The following C10orf143 variants were observed in gnomAD, a reference collection of about 807,000 sequenced individuals.
The protein encoded by C10orf143 is uncharacterized protein C10orf143.
At chr10:130,054,537 A>G (rs1318390131) in intron 3 of C10orf143, among the ~76,000 whole-genome samples, 1 of 152,232 alleles carries the variant, frequency 6.6e-6, no homozygotes, top group Non-Finnish European at 1.5e-5. Context: ...ATACATACGC[A>G]AAAGTGAGAT....
rs1481385601 is a variant in C10orf143 at position 130,106,903 on chromosome 10, G to A, written c.69+3801C>T. On this transcript the variant is annotated intron_variant, in intron 1 of 3. Coordinates refer to ENST00000637128, the MANE Select transcript of C10orf143 (RefSeq NM_001355042.2). ...CTGCTAGGCTTAGAGAAGACGTAAC[G>A]GATGATGATAACTTAGAAGTGAACA... 16 of 1,033,738 alleles carry A rather than the reference G, an allele frequency of 1.5e-5. No homozygotes were observed. In the East Asian group the frequency reaches 2.4e-4, roughly 15 times the overall value. The allele number at this position is 1,033,738 out of a possible 1,614,324, so 64.0% of individuals were successfully genotyped here.
chr10:130,062,466 G>A (rs1398907211), downstream of C10orf143, among the ~76,000 whole-genome samples: 1 of 152,130 alleles, frequency 6.6e-6, no homozygotes, highest in Non-Finnish European at 1.5e-5. Flanking sequence ...GACTAGACTG[G>A]CTGAGTCTTC....
chr10:130,045,776 C>T (rs1860661798), intron 3 of C10orf143, among the ~76,000 whole-genome samples: 1 of 152,202 alleles, frequency 6.6e-6, no homozygotes, highest in South Asian at 2.1e-4. Context: ...ATGCGATTGC[C>T]TCGACTCGAG....
intron 1 of C10orf143, among the ~76,000 whole-genome samples, chr10:130,081,159 G>T (rs907722450): frequency 1.3e-5 from 2 of 151,588 alleles, no homozygotes; most frequent in African/African-American, 4.8e-5. Flanking sequence ...GTATAATAGA[G>T]AAATAAAAAC....
At chr10:130,089,625 A>G (rs1384020653) in intron 1 of C10orf143, among the ~76,000 whole-genome samples, 1 of 152,218 alleles carries the variant, frequency 6.6e-6, no homozygotes, top group African/African-American at 2.4e-5. Flanking sequence ...AACAATGTAT[A>G]AAAAAGACTT....
chr10:130,110,586 T>C, intron 1 of C10orf143, 118 bp downstream of exon 1: 1 of 397,470 alleles, frequency 2.5e-6, no homozygotes, highest in Non-Finnish European at 4.4e-6. Context: ...AGCGTGCGAG[T>C]GTCTTGGGCC....
intron 1 of C10orf143, among the ~76,000 whole-genome samples, chr10:130,089,969 A>G (rs1046928110): frequency 6.6e-6 from 1 of 152,118 alleles, no homozygotes; most frequent in African/African-American, 2.4e-5. Context: ...GAACATAGGG[A>G]AAAAAAATCC....
intron 1 of C10orf143, among the ~76,000 whole-genome samples, chr10:130,090,782 A>G (rs1861368863): frequency 6.6e-6 from 1 of 152,196 alleles, no homozygotes; most frequent in South Asian, 2.1e-4. Context: ...TTCCCCTCAC[A>G]GTGTAAACAA....
intron 3 of C10orf143, among the ~76,000 whole-genome samples, chr10:130,050,166 G>T (rs568574020): frequency 6.6e-6 from 1 of 152,258 alleles, no homozygotes; most frequent in African/African-American, 2.4e-5. Flanking sequence ...GGCTGCAGGC[G>T]CATGACTGAG....
rs149605910 is a variant in C10orf143, at chr10:130,085,279, C to T, written c.70-5378G>A. The stretch of plus-strand genomic sequence containing the variant: ...TTAATTGTAAAGAGAAAAATAGTAA[C>T]TTTACCGTGGATAAAACCATCGTAA... On this transcript the variant is annotated intron_variant, in intron 1 of 3. Coordinates refer to ENST00000637128, the MANE Select transcript of C10orf143 (RefSeq NM_001355042.2). Among the ~76,000 whole-genome samples, 267 of 152,294 alleles carry T rather than the reference C, an allele frequency of 1.8e-3. 1 individual carries two copies. The highest frequency in any genetic ancestry group is 5.9e-3 in the African/African-American group (246 of 41,570).
intron 1 of C10orf143, among the ~76,000 whole-genome samples, chr10:130,091,476 G>T (rs111621701): frequency 1.3e-5 from 2 of 152,140 alleles, no homozygotes; most frequent in South Asian, 4.1e-4. Context: ...GCACAAAAAG[G>T]CTGAAAATTC....
At chr10:130,049,501 G>C (rs1860713353) in intron 3 of C10orf143, among the ~76,000 whole-genome samples, 1 of 152,218 alleles carries the variant, frequency 6.6e-6, no homozygotes, top group African/African-American at 2.4e-5. Flanking sequence ...GCCTCCACCT[G>C]GAGGGGCCCT....
At chr10:130,078,298 G>A (rs994864088) in intron 3 of C10orf143, among the ~76,000 whole-genome samples, 1 of 152,126 alleles carries the variant, frequency 6.6e-6, no homozygotes, top group Non-Finnish European at 1.5e-5. Context: ...CAACAGATGG[G>A]GGGATGTGAA....
At chr10:130,077,325 A>C (rs1427272845) in intron 3 of C10orf143, among the ~76,000 whole-genome samples, 3 of 152,196 alleles carry the variant, frequency 2.0e-5, no homozygotes, top group African/African-American at 7.2e-5. Flanking sequence ...CCAAGCTCAG[A>C]CGGCTATACT....
intron 3 of C10orf143, among the ~76,000 whole-genome samples, chr10:130,073,411 G>T (rs1017506517): frequency 1.3e-5 from 2 of 152,128 alleles, no homozygotes; most frequent in African/African-American, 4.8e-5. Context: ...TAAACTTTAT[G>T]CAAGGATCCA....
At chr10:130,087,875 C>A (rs2134782105) in intron 1 of C10orf143, among the ~76,000 whole-genome samples, 1 of 152,312 alleles carries the variant, frequency 6.6e-6, no homozygotes. Context: ...ATGCTGGCAG[C>A]CTCCGCTCTG....
chr10:130,080,362 G>T (rs911830220), intron 1 of C10orf143, among the ~76,000 whole-genome samples: 1 of 152,196 alleles, frequency 6.6e-6, no homozygotes, highest in Non-Finnish European at 1.5e-5. Flanking sequence ...ATTTACAAAG[G>T]TTGCATACAC....
intron 1 of C10orf143, chr10:130,107,383 T>G: frequency 1.8e-6 from 2 of 1,124,800 alleles, no homozygotes; most frequent in Non-Finnish European, 2.7e-6. Flanking sequence ...CTATTCATTA[T>G]TATCAACGGC....
chr10:130,049,699 C>T (rs1184416302), intron 3 of C10orf143, among the ~76,000 whole-genome samples: 1 of 152,218 alleles, frequency 6.6e-6, no homozygotes, highest in Admixed American at 6.5e-5. Flanking sequence ...TCGCTGCTAC[C>T]AGTGACAGTT....
Sources: allele counts gnomAD v4.1 joint callset (sites outside exome capture counted in the v4.1 genomes callset), GRCh38; gene constraint gnomAD v4.1.1; transcripts MANE v1.5; gene names NCBI Gene and HGNC (gene_info 2026-07-23, HGNC 2026-07-21).